HACE1: variants seen among roughly 807,000 people sequenced by gnomAD.
The protein encoded by HACE1 is HECT domain and ankyrin repeat containing E3 ubiquitin protein ligase 1, also known as E3 ubiquitin-protein ligase HACE1.
HACE1 carries 73 observed loss-of-function variants against 118.4 expected under a neutral mutation model. That is an observed-to-expected ratio of 0.62 (90% CI 0.51 to 0.75). The LOEUF (loss-of-function observed/expected upper bound fraction) is 0.75, where lower values mean the gene tolerates loss of function less well. Ranked by LOEUF, HACE1 falls within the 30% of genes least tolerant of loss-of-function variation. The pLI is 0.00. For missense variants in HACE1, 749 were observed against 1,102.2 expected, an observed-to-expected ratio of 0.68 and a Z score of 4.54; for synonymous variants, 368 against 374.8, an observed-to-expected ratio of 0.98 and a Z score of 0.21.
chr6:104,831,988 A>ACGAG (rs1582691838), intron 6 of HACE1, among the ~76,000 whole-genome samples: 1 of 53,812 alleles, frequency 1.9e-5, no homozygotes, highest in East Asian at 6.2e-4. Context: ...GAGAGGAAGG[A>ACGAG]AGGAAGGAAG....
At chr6:104,847,374 A>T (rs1329972716) in intron 4 of HACE1, among the ~76,000 whole-genome samples, 1 of 152,256 alleles carries the variant, frequency 6.6e-6, no homozygotes, top group Non-Finnish European at 1.5e-5. Context: ...CCTGAGATCA[A>T]TTCAGCAAGG....
chr6:104,737,731 G>A (rs1422886901), intron 22 of HACE1, among the ~76,000 whole-genome samples: 2 of 152,212 alleles, frequency 1.3e-5, no homozygotes, highest in African/African-American at 4.8e-5. Flanking sequence ...CAAACTGCAA[G>A]GCAGCAGCGA....
At chr6:104,761,923 A>C (rs1243776329) in intron 19 of HACE1, among the ~76,000 whole-genome samples, 6 of 152,364 alleles carry the variant, frequency 3.9e-5, no homozygotes, top group African/African-American at 1.4e-4. Flanking sequence ...GAAGACATTT[A>C]TGCACCCAAC....
intron 22 of HACE1, among the ~76,000 whole-genome samples, chr6:104,733,347 A>T (rs1057035080): frequency 6.6e-6 from 1 of 152,172 alleles, no homozygotes; most frequent in Non-Finnish European, 1.5e-5. Flanking sequence ...CTGATAAACC[A>T]TTCCTGAAAC....
At chr6:104,739,200 C>A (rs1389966730) in intron 22 of HACE1, among the ~76,000 whole-genome samples, 1 of 152,146 alleles carries the variant, frequency 6.6e-6, no homozygotes, top group African/African-American at 2.4e-5. Context: ...TGGTACCAGC[C>A]ACTGCAAAAT....
intron 10 of HACE1, among the ~76,000 whole-genome samples, chr6:104,792,016 G>T (rs1783075343): frequency 6.6e-6 from 1 of 152,124 alleles, no homozygotes; most frequent in African/African-American, 2.4e-5. Context: ...TTAGAAGTCT[G>T]TATTTCACAG....
At chr6:104,811,860 T>G (rs1448047926) in intron 6 of HACE1, among the ~76,000 whole-genome samples, 2 of 152,126 alleles carry the variant, frequency 1.3e-5, no homozygotes, top group Non-Finnish European at 2.9e-5. Flanking sequence ...TCTAAAAAAC[T>G]AAGCACCAGA....
intron 7 of HACE1, among the ~76,000 whole-genome samples, chr6:104,803,699 T>C (rs560743179): frequency 6.6e-6 from 1 of 152,316 alleles, no homozygotes; most frequent in East Asian, 1.9e-4. Flanking sequence ...AAACTAGGTA[T>C]TGATGGAACG....
intron 6 of HACE1, among the ~76,000 whole-genome samples, chr6:104,814,918 C>CTT (rs1339774092): frequency 1.4e-5 from 2 of 138,724 alleles, no homozygotes; most frequent in African/African-American, 5.7e-5. Flanking sequence ...CAGCAGAACT[C>CTT]TGAGTCAATT....
chr6:104,773,166 C>T (rs1436452314), intron 17 of HACE1, among the ~76,000 whole-genome samples: 3 of 152,164 alleles, frequency 2.0e-5, no homozygotes, highest in Admixed American at 6.5e-5. Flanking sequence ...TACAAATTTA[C>T]TCATCCATTC....
At chr6:104,744,036 A>G in intron 22 of HACE1, 124 bp downstream of exon 22, 1 of 697,532 alleles carries the variant, frequency 1.4e-6, no homozygotes, top group Non-Finnish European at 2.6e-6. Flanking sequence ...AATACCTAAA[A>G]CAGTGGAAAG....
chr6:104,737,047 G>C (rs1298563248), intron 22 of HACE1, among the ~76,000 whole-genome samples: 3 of 151,878 alleles, frequency 2.0e-5, no homozygotes, highest in Non-Finnish European at 4.4e-5. Flanking sequence ...ACTTTGGGAG[G>C]CCGAGGCGGG....
intron 10 of HACE1, 60 bp from the exon 11 acceptor site, chr6:104,791,714 A>AT (rs1292861851): frequency 2.2e-5 from 24 of 1,077,774 alleles, no homozygotes; most frequent in Non-Finnish European, 3.3e-5. Flanking sequence ...TAAAATACTT[A>AT]TTTTAAAACA....
At chr6:104,776,888 T>C in intron 16 of HACE1, 60 bp from the exon 17 acceptor site, 6 of 1,373,518 alleles carry the variant, frequency 4.4e-6, no homozygotes, top group Non-Finnish European at 6.2e-6. Context: ...GAAATTTTTT[T>C]CTAAATAACA....
At chr6:104,794,898 T>G (rs902037609) in intron 10 of HACE1, among the ~76,000 whole-genome samples, 1 of 149,502 alleles carries the variant, frequency 6.7e-6, no homozygotes, top group Non-Finnish European at 1.5e-5. Flanking sequence ...AGACTCTGTC[T>G]CAAAAAAAAA....
At chr6:104,754,999 G>A in intron 19 of HACE1, among the ~76,000 whole-genome samples, 1 of 152,222 alleles carries the variant, frequency 6.6e-6, no homozygotes, top group African/African-American at 2.4e-5. Context: ...TGGCAAGCTG[G>A]ATGAAGAGCC....
rs6918700 is a variant in HACE1 at position 104,796,651 on chromosome 6, A to T, written c.816+4T>A. ...TTTACAAGCTACTATCACAAATACAATACCATGTTTTCTCGGAGGTCTTCA... is the reference window on the plus strand; with the variant it reads ...TTTACAAGCTACTATCACAAATACATTACCATGTTTTCTCGGAGGTCTTCA... On this transcript the variant is annotated splice_donor_region_variant and intron_variant, in intron 9 of 23. Coordinates refer to ENST00000262903, the MANE Select transcript of HACE1 (RefSeq NM_020771.4). The T allele has an allele frequency of 0.49, 655,498 of 1,348,588 alleles. 164,569 individuals are homozygous for T. Among genetic ancestry groups the T allele is most frequent in the African/African-American group, 0.8 (55,302 of 69,498 alleles). The allele number at this position is 1,348,588 out of a possible 1,614,324, so 83.5% of individuals were successfully genotyped here.
At chr6:104,788,265 T>C (rs1192671089) in intron 11 of HACE1, among the ~76,000 whole-genome samples, 1 of 152,130 alleles carries the variant, frequency 6.6e-6, no homozygotes, top group East Asian at 1.9e-4. Flanking sequence ...ACTGAAAATA[T>C]TAGCAGGTTT....
chr6:104,825,449 C>A (rs1326847198), intron 6 of HACE1, among the ~76,000 whole-genome samples: 1 of 152,210 alleles, frequency 6.6e-6, no homozygotes, highest in African/African-American at 2.4e-5. Flanking sequence ...ATTGGCTGCA[C>A]ATAGCAACCA....
Sources: gnomAD v4.1 joint callset for allele counts (sites outside exome capture counted in the v4.1 genomes callset) on GRCh38, gnomAD v4.1.1 for gene constraint, MANE v1.5 for transcripts, NCBI Gene and HGNC (gene_info 2026-07-23, HGNC 2026-07-21) for gene names.